The following MED16 variants were observed in gnomAD, a reference collection of about 807,000 sequenced individuals.
MED16 encodes the protein mediator of RNA polymerase II transcription subunit 16.
A neutral mutation model predicts 84.4 loss-of-function variants in MED16; 81 were observed. The ratio of observed to expected loss-of-function variants is 0.96; its 90% CI spans 0.80 to 1.15. The LOEUF (loss-of-function observed/expected upper bound fraction) is 1.15. Ranked by LOEUF, MED16 falls within the 50% of genes most tolerant of loss-of-function variation. The pLI is 0.00. For missense variants in MED16, 1,585 were observed against 1,245.9 expected (o/e 1.27, Z -4.10); for synonymous variants, 897 against 552.2 (o/e 1.62, Z -8.76).
intron 10 of MED16, among the ~76,000 whole-genome samples, chr19:874,418 T>C (rs2036179581): frequency 6.6e-6 from 1 of 152,102 alleles, no homozygotes; most frequent in Non-Finnish European, 1.5e-5. Context: ...CAACCCTAAT[T>C]TTTAAAAGAA....
In MED16 at chr19:891,058, G is replaced by A; in HGVS notation, c.74C>T (p.Ser25Phe). ...LAYVCEWEKW[S>F]KSTHCPSVPL... ...CACCGATGGGCAGTGGGTGCTCTTG[G>A]ACCATTTCTCCCACTCACAGACGTA... Residue 25 changes from serine (S) to phenylalanine (F), a missense_variant, in exon 2 of 16, where the codon TCC becomes TTC. Ser to Phe is a radical substitution (Grantham distance 155, BLOSUM62 -2). Transcript: ENST00000325464. The A allele has an allele frequency of 6.2e-7, 1 of 1,614,132 alleles. No homozygotes were observed. The highest frequency in any genetic ancestry group is 1.3e-5 in the African/African-American group (1 of 75,078).
At chr19:877,268 G>C (rs2036271299) in intron 8 of MED16, 88 bp from the exon 9 acceptor site, 1 of 1,324,718 alleles carries the variant, frequency 7.5e-7, no homozygotes, top group Non-Finnish European at 1.0e-6. Flanking sequence ...GCTGCGGCAC[G>C]TGTGTGGATC....
chr19:884,330 G>A (rs1332935075), intron 6 of MED16, among the ~76,000 whole-genome samples: 1 of 152,162 alleles, frequency 6.6e-6, no homozygotes, highest in Admixed American at 6.5e-5. Flanking sequence ...CCGGAGGTGG[G>A]GATGACGGGC....
At chr19:888,193 G>C (rs757492010) in intron 4 of MED16, among the ~76,000 whole-genome samples, 1 of 151,492 alleles carries the variant, frequency 6.6e-6, no homozygotes, top group Non-Finnish European at 1.5e-5. Flanking sequence ...AACAGAGCAA[G>C]ACCCTGTCTC....
Position 871,978 on chromosome 19 carries a change from G to T in MED16, c.2046C>A (p.Thr682=). Reference sequence around the variant, plus strand: ...GGAAGAGCAGGGACATGCTGTCCTGGGTATCCGAGGTGGCCGTATACACGG... The same window carrying T: ...GGAAGAGCAGGGACATGCTGTCCTGTGTATCCGAGGTGGCCGTATACACGG... ...CLPVYTATSD[T]QDSMSLLFRL... is the part of the protein sequence containing the mutation. The change falls in exon 12 of 16, where the codon ACC becomes ACA. Residue 682 remains threonine (T), a synonymous_variant. Coordinates refer to ENST00000325464, the MANE Select transcript of MED16 (RefSeq NM_005481.3). 1 of 1,607,976 alleles carries T rather than the reference G, an allele frequency of 6.2e-7. No individual in the cohort carries two copies. The highest frequency in any genetic ancestry group is 8.5e-7 in the Non-Finnish European group (1 of 1,177,912).
intron 8 of MED16, among the ~76,000 whole-genome samples, chr19:878,354 C>T (rs1445186331): frequency 1.1e-5 from 1 of 87,568 alleles, no homozygotes; most frequent in Non-Finnish European, 2.4e-5. Context: ...TGTCAATGCC[C>T]ACCAGCCCCA....
chr19:871,328 C>T (rs2036048612), intron 12 of MED16, 75 bp from the exon 13 acceptor site: 8 of 1,437,178 alleles, frequency 5.6e-6, no homozygotes, highest in South Asian at 2.7e-5. Flanking sequence ...GTGCTGGGAG[C>T]CCCTCCAGTT....
chr19:888,570 G>A (rs901791286), intron 4 of MED16, among the ~76,000 whole-genome samples: 1 of 152,034 alleles, frequency 6.6e-6, no homozygotes, highest in African/African-American at 2.4e-5. Flanking sequence ...TAGCTATGGT[G>A]GTGGCCGCAC....
chr19:890,654 A>G (rs2036614439), intron 2 of MED16, among the ~76,000 whole-genome samples: 1 of 152,200 alleles, frequency 6.6e-6, no homozygotes, highest in Non-Finnish European at 1.5e-5. Flanking sequence ...TTCAAAAACC[A>G]GTGACACACA....
chr19:871,524 C>T (rs1270503896), intron 12 of MED16: 1 of 1,563,536 alleles, frequency 6.4e-7, no homozygotes, highest in Non-Finnish European at 8.6e-7. Flanking sequence ...TGTGCCTTTT[C>T]CAGACACTGG....
At chr19:874,932 G>A (rs942606306) in intron 10 of MED16, among the ~76,000 whole-genome samples, 1 of 152,064 alleles carries the variant, frequency 6.6e-6, no homozygotes, top group Non-Finnish European at 1.5e-5. Context: ...GGAGGCCGAG[G>A]CGGGCGGATC....
chr19:886,761 T>C (rs1319476243), intron 4 of MED16, among the ~76,000 whole-genome samples: 1 of 152,238 alleles, frequency 6.6e-6, no homozygotes, highest in Non-Finnish European at 1.5e-5. Context: ...TCCACCCTTC[T>C]TTCAACGTGA....
At chr19:882,704 C>G (rs1452012794) in intron 6 of MED16, among the ~76,000 whole-genome samples, 1 of 152,368 alleles carries the variant, frequency 6.6e-6, no homozygotes, top group Non-Finnish European at 1.5e-5. Context: ...GCAGCTGAGG[C>G]AGCCACAGAA....
intron 6 of MED16, among the ~76,000 whole-genome samples, chr19:884,571 C>T (rs895825176): frequency 9.2e-5 from 14 of 152,114 alleles, no homozygotes; most frequent in Admixed American, 2.6e-4. Flanking sequence ...CACAGACCCA[C>T]GCTCCACAGC....
In MED16 at chr19:868,131, C is replaced by T. The variant is rs1034724933; in HGVS notation, c.2604G>A (p.Leu868=). 1 of 1,611,632 alleles carries T rather than the reference C, an allele frequency of 6.2e-7. No individual in the cohort carries two copies. The highest frequency in any genetic ancestry group is 8.5e-7 in the Non-Finnish European group (1 of 1,179,546). Residue 868 remains leucine, a synonymous_variant, in exon 16 of 16, where the codon CTG becomes CTA. Transcript: ENST00000325464. Reference sequence around the variant, plus strand: ...GACGGTCCTCTGGATGCAGATGGTCCAGGGATCTGGGGGTCCTGGGAGAGT... The same window carrying T: ...GACGGTCCTCTGGATGCAGATGGTCTAGGGATCTGGGGGTCCTGGGAGAGT... ...THHSPRTPRS[L]DHLHPEDRP
In MED16 at chr19:889,795, A is replaced by T; in HGVS notation, c.290T>A (p.Leu97Gln). The change falls in exon 4 of 16, where the codon CTG becomes CAG. Residue 97 changes from leucine to glutamine, a missense_variant. Leu to Gln is a moderately radical substitution (Grantham distance 113, BLOSUM62 -2). Transcript: ENST00000325464. The stretch of plus-strand genomic sequence containing the variant: ...GATCTGCCCGTCGGCATCTGCTGAC[A>T]GGAGCCGGGAGCCTGAGGGCAAGAA... ...LEWDQSGSRLLSADADGQIKC... is the reference protein window; with the variant it reads ...LEWDQSGSRLQSADADGQIKC... 6.2e-7 allele frequency: 1 copy of T among 1,611,160 alleles called. No individual in the cohort carries two copies.
chr19:882,315 C>T (rs1024422585), intron 6 of MED16, among the ~76,000 whole-genome samples: 2 of 152,184 alleles, frequency 1.3e-5, no homozygotes, highest in East Asian at 3.8e-4. Flanking sequence ...CAAGACCAGC[C>T]TGGACAACAC....
At chr19:879,100 C>A (rs1401911479) in intron 8 of MED16, among the ~76,000 whole-genome samples, 2 of 140,502 alleles carry the variant, frequency 1.4e-5, no homozygotes, top group Non-Finnish European at 3.2e-5. Flanking sequence ...CAGCAGCTCG[C>A]CTTCCCCTGG....
At chr19:876,207 G>C (rs1193238881) in intron 9 of MED16, among the ~76,000 whole-genome samples, 3 of 152,172 alleles carry the variant, frequency 2.0e-5, no homozygotes. Context: ...AGCTCAGAGG[G>C]CTGGTCCCAC....
Sources: allele counts gnomAD v4.1 joint callset (sites outside exome capture counted in the v4.1 genomes callset), GRCh38; gene constraint gnomAD v4.1.1; transcripts MANE v1.5; gene names NCBI Gene and HGNC (gene_info 2026-07-23, HGNC 2026-07-21).